The following ERC1 variants were observed in gnomAD, a reference collection of about 807,000 sequenced individuals.
The protein encoded by ERC1 is ELKS/RAB6-interacting/CAST family member 1, also known as RAB6 interacting protein 2.
ERC1 carries 56 observed loss-of-function variants against 132.0 expected under a neutral mutation model. The ratio of observed to expected loss-of-function variants is 0.42; its 90% confidence interval spans 0.34 to 0.53. The LOEUF is 0.53. Among genes scored for constraint, ERC1 ranks in the 20% least tolerant of loss-of-function variants. The pLI is 0.03. For missense variants in ERC1, 1,202 were observed against 1,349.9 expected, an observed-to-expected ratio of 0.89 and a Z score of 1.72; for synonymous variants, 478 against 476.1, an observed-to-expected ratio of 1.00 and a Z score of -0.05.
At chr12:1,013,893 G>A (rs995941334) in intron 1 of ERC1, among the ~76,000 whole-genome samples, 5 of 152,068 alleles carry the variant, frequency 3.3e-5, no homozygotes, top group Non-Finnish European at 5.9e-5. Flanking sequence ...CACCACACCT[G>A]GCTAATTAAA....
intron 7 of ERC1, among the ~76,000 whole-genome samples, chr12:1,131,563 A>G (rs4391866): frequency 0.93 from 141,795 of 151,962 alleles, 66,925 homozygotes; most frequent in East Asian, 1. Context: ...CCGGGTTCGC[A>G]CCATTCTCCT....
At chr12:1,312,752 T>TA (rs2081400534) in intron 15 of ERC1, among the ~76,000 whole-genome samples, 1 of 152,226 alleles carries the variant, frequency 6.6e-6, no homozygotes, top group African/African-American at 2.4e-5. Context: ...AAATTACATG[T>TA]ATTTTTAGGC....
rs546270166 is a variant in ERC1 at position 1,293,556 on chromosome 12, G to A, written c.2780+3544G>A. ...AGGCAGGAGAATCACTTGAACCCAG[G>A]AGGCGGAGGTTGCAGTGAGCCGAGA... On this transcript the variant is annotated intron_variant, in intron 15 of 18. Transcript: ENST00000360905. 6.3e-5 allele frequency among the ~76,000 whole-genome samples: 8 copies of A among 126,650 alleles called. 2 individuals are homozygous for A. The highest frequency in any genetic ancestry group is 1.5e-4 in the Admixed American group (2 of 13,008). 83.1% of individuals were successfully genotyped at this position (126,650 alleles called of 152,430 possible).
At chr12:1,121,204 G>T (rs529059818) in intron 7 of ERC1, among the ~76,000 whole-genome samples, 16 of 152,326 alleles carry the variant, frequency 1.1e-4, no homozygotes, top group Non-Finnish European at 1.9e-4. Flanking sequence ...CCTAGTGCCC[G>T]ATCGATTCAA....
chr12:1,201,605 A>C (rs1956922069), intron 12 of ERC1, among the ~76,000 whole-genome samples: 1 of 152,152 alleles, frequency 6.6e-6, no homozygotes, highest in South Asian at 2.1e-4. Context: ...ATATTACTTT[A>C]TGTTAGTATC....
chr12:1,065,481 TG>T (rs1938961941), intron 2 of ERC1, among the ~76,000 whole-genome samples: 2 of 1,684 alleles, frequency 1.2e-3, no homozygotes, highest in African/African-American at 1.5e-3. Flanking sequence ...TTGTACCGTT[TG>T]TGTGTGTGTG....
intron 13 of ERC1, among the ~76,000 whole-genome samples, chr12:1,251,293 T>A (rs1351704467): frequency 2.0e-5 from 3 of 152,098 alleles, no homozygotes; most frequent in Non-Finnish European, 2.9e-5. Context: ...ATATTAATGT[T>A]CCTGTTTTTG....
intron 14 of ERC1, among the ~76,000 whole-genome samples, chr12:1,278,235 C>T (rs1365502804): frequency 6.6e-6 from 1 of 152,230 alleles, no homozygotes; most frequent in Non-Finnish European, 1.5e-5. Flanking sequence ...TGGCTGTACC[C>T]TGCCCTACCA....
chr12:1,313,349 A>G (rs1317491803), intron 15 of ERC1, among the ~76,000 whole-genome samples: 1 of 152,196 alleles, frequency 6.6e-6, no homozygotes, highest in East Asian at 1.9e-4. Flanking sequence ...GGAGGCTGGA[A>G]TATCACGTTT....
intron 8 of ERC1, chr12:1,152,656 C>CT (rs1368564705): frequency 3.9e-5 from 6 of 152,978 alleles, no homozygotes; most frequent in African/African-American, 1.4e-4. Flanking sequence ...GGCCCATTTA[C>CT]TATACTACAG....
At chr12:1,314,257 A>G (rs2081530464) in intron 15 of ERC1, among the ~76,000 whole-genome samples, 2 of 152,220 alleles carry the variant, frequency 1.3e-5, no homozygotes, top group Non-Finnish European at 2.9e-5. Flanking sequence ...ATAGAAAAGT[A>G]GGCAAAGAAT....
At chr12:1,135,585 T>A (rs921223109) in intron 7 of ERC1, among the ~76,000 whole-genome samples, 1 of 152,188 alleles carries the variant, frequency 6.6e-6, no homozygotes, top group Non-Finnish European at 1.5e-5. Context: ...TGAGATAAGA[T>A]CATGATGGAG....
intron 14 of ERC1, among the ~76,000 whole-genome samples, chr12:1,277,676 T>TA (rs551591488): frequency 1.3e-5 from 2 of 152,268 alleles, no homozygotes; most frequent in South Asian, 2.1e-4. Flanking sequence ...ACAAAAAAAA[T>TA]AGAGTGTTAC....
chr12:1,480,008 G>T (rs907117098), intron 18 of ERC1, among the ~76,000 whole-genome samples: 3 of 151,940 alleles, frequency 2.0e-5, no homozygotes, highest in Non-Finnish European at 2.9e-5. Context: ...TTTCTCTACC[G>T]AAGGTGTATA....
intron 3 of ERC1, among the ~76,000 whole-genome samples, chr12:1,084,655 T>C (rs1049538852): frequency 6.7e-6 from 1 of 149,550 alleles, no homozygotes; most frequent in Non-Finnish European, 1.5e-5. Flanking sequence ...TTAACTTATG[T>C]ATATGCTTCC....
intron 15 of ERC1, among the ~76,000 whole-genome samples, chr12:1,306,423 A>G (rs1476717037): frequency 3.3e-5 from 5 of 152,222 alleles, no homozygotes; most frequent in Non-Finnish European, 5.9e-5. Flanking sequence ...TCCTGTGGAG[A>G]TAAGACAGAC....
intron 13 of ERC1, among the ~76,000 whole-genome samples, chr12:1,241,413 A>G (rs77156781): frequency 0.3 from 45,593 of 151,998 alleles, 6,980 homozygotes; most frequent in Middle Eastern, 0.4. Flanking sequence ...TGATTGTTAC[A>G]TATTTTTTCT....
chr12:1,470,271 G>A (rs2093831920), intron 18 of ERC1, among the ~76,000 whole-genome samples: 1 of 152,114 alleles, frequency 6.6e-6, no homozygotes, highest in Non-Finnish European at 1.5e-5. Flanking sequence ...ACGTGCCACT[G>A]TGGCTGGGGG....
intron 1 of ERC1, among the ~76,000 whole-genome samples, chr12:994,720 G>A (rs2154126833): frequency 6.6e-6 from 1 of 152,286 alleles, no homozygotes; most frequent in Admixed American, 6.5e-5. Context: ...TGGTATCATA[G>A]TAGTGAACAG....
Sources: allele counts gnomAD v4.1 joint callset (sites outside exome capture counted in the v4.1 genomes callset), GRCh38; gene constraint gnomAD v4.1.1; transcripts MANE v1.5; gene names NCBI Gene and HGNC (gene_info 2026-07-23, HGNC 2026-07-21).